Variants in TLK2 observed in about 807,000 individuals in gnomAD.
TLK2 encodes the protein tousled like kinase 2.
A neutral mutation model predicts 117.3 loss-of-function variants in TLK2; 6 were observed. The observed-to-expected ratio is 0.05, with a 90% confidence interval of 0.03 to 0.10. The LOEUF is 0.10. Ranked by LOEUF, TLK2 falls within the 10% of genes least tolerant of loss-of-function variation. The pLI, the probability that TLK2 is intolerant of heterozygous loss-of-function variation, is 1.00. For synonymous variants in TLK2, 257 were observed against 316.7 expected, an observed-to-expected ratio of 0.81 and a Z score of 2.00; for missense variants, 299 against 901.2, an observed-to-expected ratio of 0.33 and a Z score of 8.56.
At chr17:62,487,352 T>C (rs1359677694) in intron 2 of TLK2, among the ~76,000 whole-genome samples, 2 of 149,706 alleles carry the variant, frequency 1.3e-5, no homozygotes, top group African/African-American at 4.9e-5. Context: ...CCAAGAGAAC[T>C]AAGTTAACCG....
intron 2 of TLK2, among the ~76,000 whole-genome samples, chr17:62,486,290 T>A (rs1424557274): frequency 6.6e-6 from 1 of 152,088 alleles, no homozygotes; most frequent in East Asian, 1.9e-4. Flanking sequence ...CCCAAGTAGC[T>A]AGGACTACAG....
intron 1 of TLK2, among the ~76,000 whole-genome samples, chr17:62,471,335 G>A (rs889415111): frequency 6.6e-6 from 1 of 152,148 alleles, no homozygotes; most frequent in East Asian, 1.9e-4. Context: ...ACTGTAGACC[G>A]AATGATTGAC....
chr17:62,598,613 C>T (rs1202843478), intron 17 of TLK2, among the ~76,000 whole-genome samples: 2 of 152,158 alleles, frequency 1.3e-5, no homozygotes, highest in Non-Finnish European at 2.9e-5. Flanking sequence ...CAACCTCCAC[C>T]TCCCAGGTTC....
intron 1 of TLK2, among the ~76,000 whole-genome samples, chr17:62,472,693 G>T (rs1281235652): frequency 6.7e-6 from 1 of 150,198 alleles, no homozygotes; most frequent in African/African-American, 2.5e-5. Context: ...AGCTGAGATC[G>T]CACCACTGCA....
chr17:62,491,096 ATTCT>A (rs1258613818), intron 2 of TLK2, among the ~76,000 whole-genome samples: 2 of 152,120 alleles, frequency 1.3e-5, no homozygotes, highest in Non-Finnish European at 2.9e-5. Context: ...TACAGAAGTA[ATTCT>A]TTATTTCATT....
intron 16 of TLK2, among the ~76,000 whole-genome samples, chr17:62,594,077 G>A (rs1300113681): frequency 6.6e-6 from 1 of 151,404 alleles, no homozygotes; most frequent in Non-Finnish European, 1.5e-5. Context: ...ACAGCCGTTA[G>A]CCACCGCCCC....
intron 1 of TLK2, among the ~76,000 whole-genome samples, chr17:62,472,717 G>A (rs1363607207): frequency 1.2e-4 from 18 of 149,932 alleles, no homozygotes; most frequent in African/African-American, 4.4e-4. Context: ...CAGCCTAGGC[G>A]ACGGAGCAAG....
chr17:62,479,510 T>C (rs949355262), intron 1 of TLK2, among the ~76,000 whole-genome samples: 2 of 151,674 alleles, frequency 1.3e-5, no homozygotes, highest in Non-Finnish European at 2.9e-5. Context: ...CGGCCTGGGA[T>C]TGGGGCCGGC....
intron 15 of TLK2, among the ~76,000 whole-genome samples, chr17:62,583,829 G>A (rs955634609): frequency 1.3e-5 from 2 of 150,306 alleles, no homozygotes; most frequent in Non-Finnish European, 3.0e-5. Flanking sequence ...TGCCTGCCTC[G>A]GCCTCCCAAA....
chr17:62,483,132 T>C (rs2071887922), intron 2 of TLK2, among the ~76,000 whole-genome samples: 1 of 152,220 alleles, frequency 6.6e-6, no homozygotes, highest in Non-Finnish European at 1.5e-5. Context: ...CTGATGTGTC[T>C]TTTTAACTTG....
intron 2 of TLK2, among the ~76,000 whole-genome samples, chr17:62,492,705 C>T (rs1370024269): frequency 3.3e-5 from 5 of 152,016 alleles, no homozygotes; most frequent in Non-Finnish European, 2.9e-5. Context: ...GTGATCCACC[C>T]ACCTTGGCCT....
chr17:62,560,683 G>T (rs2079191871), intron 10 of TLK2, among the ~76,000 whole-genome samples: 1 of 146,068 alleles, frequency 6.8e-6, no homozygotes, highest in Non-Finnish European at 1.5e-5. Flanking sequence ...TTTTTTTGAG[G>T]CTGAGTCTCA....
At chr17:62,573,391 G>T (rs758969248) in intron 12 of TLK2, 24 bp downstream of exon 12, 1 of 1,609,348 alleles carries the variant, frequency 6.2e-7, no homozygotes, top group South Asian at 1.1e-5. Context: ...TGACGTGAAC[G>T]CTGAGACACC....
chr17:62,579,501 T>C (rs893786290), intron 14 of TLK2, among the ~76,000 whole-genome samples: 4 of 152,316 alleles, frequency 2.6e-5, no homozygotes, highest in African/African-American at 9.6e-5. Flanking sequence ...AATAGTGAGA[T>C]TGTTTAAGAT....
rs533414205 is a variant in TLK2 at position 62,592,036 on chromosome 17, C to T, written c.1461-4549C>T. Among the ~76,000 whole-genome samples, 47 of 152,006 alleles carry T rather than the reference C, an allele frequency of 3.1e-4. No individual in the cohort carries two copies. The South Asian group carries it at 8.1e-3, about 26-fold the overall frequency. On this transcript the variant is annotated intron_variant, in intron 16 of 21. Coordinates refer to ENST00000346027, the MANE Select transcript of TLK2 (RefSeq NM_006852.6). ...ATGGCGCAATCTCAGCTCACCACAG[C>T]GTCCGCCTCCTGGGTTCAAGTGATT...
chr17:62,532,677 A>C (rs2076825701), intron 6 of TLK2, among the ~76,000 whole-genome samples: 1 of 152,184 alleles, frequency 6.6e-6, no homozygotes, highest in East Asian at 1.9e-4. Flanking sequence ...ATATTTCTAG[A>C]CTTTTTGAGA....
rs563774652 is a variant in TLK2, at chr17:62,603,029, T to A, written c.1859+849T>A. On this transcript the variant is annotated intron_variant, in intron 19 of 21. Coordinates refer to ENST00000346027, the MANE Select transcript of TLK2 (RefSeq NM_006852.6). ...GGCTTAATGGGATGAGGGATTTGCT[T>A]CAAGAGTTGCAAGAGAAGGCTCTAT... Among the ~76,000 whole-genome samples, 329 of 152,300 alleles carry A rather than the reference T, an allele frequency of 2.2e-3. 1 individual carries two copies. The highest frequency in any genetic ancestry group is 3.5e-3 in the Non-Finnish European group (241 of 68,028).
intron 2 of TLK2, among the ~76,000 whole-genome samples, chr17:62,511,997 AAAG>A (rs2075180908): frequency 6.6e-6 from 1 of 152,200 alleles, no homozygotes. Flanking sequence ...AACCGTCAAA[AAAG>A]CTTTACCTTT....
intron 7 of TLK2, among the ~76,000 whole-genome samples, chr17:62,542,882 C>T (rs2077637794): frequency 6.6e-6 from 1 of 152,128 alleles, no homozygotes; most frequent in Non-Finnish European, 1.5e-5. Flanking sequence ...ATTCAGAAAT[C>T]TTGACCTCCT....
Sources: gnomAD v4.1 joint callset for allele counts (sites outside exome capture counted in the v4.1 genomes callset) on GRCh38, gnomAD v4.1.1 for gene constraint, MANE v1.5 for transcripts, NCBI Gene and HGNC (gene_info 2026-07-23, HGNC 2026-07-21) for gene names.